The following PCCA variants were observed in gnomAD, a reference collection of about 807,000 sequenced individuals.
PCCA encodes propionyl-CoA carboxylase alpha chain, mitochondrial.
In PCCA, 74 loss-of-function variants were observed where a neutral mutation model predicts 101.3. The observed-to-expected ratio is 0.73, with a 90% CI of 0.61 to 0.89. The LOEUF (loss-of-function observed/expected upper bound fraction) is 0.89. PCCA is among the 40% of genes least tolerant of loss of function. The pLI is 0.00. For missense variants in PCCA, 891 were observed against 907.0 expected, an observed-to-expected ratio of 0.98 and a Z score of 0.23; for synonymous variants, 294 against 313.6, an observed-to-expected ratio of 0.94 and a Z score of 0.66.
intron 21 of PCCA, among the ~76,000 whole-genome samples, chr13:100,472,467 C>T (rs554603324): frequency 2.6e-5 from 4 of 152,198 alleles, no homozygotes; most frequent in South Asian, 2.1e-4. Flanking sequence ...TGAGTGCCGA[C>T]GAGGAGAGGT....
chr13:100,384,173 G>T (rs545871145), intron 19 of PCCA, among the ~76,000 whole-genome samples: 43 of 152,098 alleles, frequency 2.8e-4, no homozygotes, highest in Non-Finnish European at 5.3e-4. Context: ...TTACAGGCAC[G>T]TGCCACCACG....
At chr13:100,496,298 C>T (rs779718404) in intron 21 of PCCA, among the ~76,000 whole-genome samples, 17 of 152,324 alleles carry the variant, frequency 1.1e-4, no homozygotes, top group African/African-American at 3.6e-4. Context: ...GCCCAGGATC[C>T]GCTCAGAGTC....
chr13:100,381,738 C>G (rs1357197671), intron 19 of PCCA, among the ~76,000 whole-genome samples: 1 of 152,200 alleles, frequency 6.6e-6, no homozygotes, highest in Non-Finnish European at 1.5e-5. Context: ...AGGGAGCACA[C>G]GAGCGAAGGA....
chr13:100,256,043 G>A (rs902709523), intron 8 of PCCA, among the ~76,000 whole-genome samples: 3 of 151,962 alleles, frequency 2.0e-5, no homozygotes, highest in African/African-American at 4.8e-5. Context: ...CTTTGGAAAC[G>A]GAGTCTTGCG....
chr13:100,449,236 CTTG>C lies in PCCA; in HGVS notation c.1846-13_1846-11del. 1 of 1,518,654 alleles carries C rather than the reference CTTG, an allele frequency of 6.6e-7. No individual in the cohort carries two copies. Among genetic ancestry groups the C allele is most frequent in the East Asian group, 2.5e-5 (1 of 40,676 alleles). The allele number at this position is 1,518,654 out of a possible 1,614,324, so 94.1% of individuals were successfully genotyped here. A position where few individuals can be genotyped will look rare whatever the true frequency, so the allele number is the denominator to read the frequency against. The stretch of plus-strand genomic sequence containing the variant: ...GCAGATATGAGTTCATTTTATATCT[CTTG>C]TTTGTTTTTTAGTGTCTTTCTCGAG... On this transcript the variant is annotated splice_polypyrimidine_tract_variant and intron_variant, in intron 20 of 23. Coordinates refer to ENST00000376285, the MANE Select transcript of PCCA (RefSeq NM_000282.4).
chr13:100,187,280 A>G (rs1356864682), intron 6 of PCCA, among the ~76,000 whole-genome samples: 1 of 152,232 alleles, frequency 6.6e-6, no homozygotes, highest in African/African-American at 2.4e-5. Flanking sequence ...GAGAAAGAGG[A>G]TAATCACTGT....
At chr13:100,435,130 G>A (rs2079833227) in intron 20 of PCCA, among the ~76,000 whole-genome samples, 1 of 152,182 alleles carries the variant, frequency 6.6e-6, no homozygotes, top group African/African-American at 2.4e-5. Context: ...AAGAAAACGG[G>A]TTTAAATGGC....
chr13:100,156,713 A>T (rs1206920028), intron 5 of PCCA, among the ~76,000 whole-genome samples: 1 of 152,222 alleles, frequency 6.6e-6, no homozygotes, highest in African/African-American at 2.4e-5. Context: ...ATTTTAGTTC[A>T]GTTTGATAGA....
At position 100,123,985 on chromosome 13, in the gene PCCA, A is replaced by C. The variant is rs1159750681; in HGVS notation, c.300+11924A>C. Among the ~76,000 whole-genome samples, 3 of 152,134 alleles carry C rather than the reference A, an allele frequency of 2.0e-5. No homozygotes were observed. In the East Asian group the frequency reaches 5.8e-4, roughly 29 times the overall value. ...TGACTAGGAGTTTCTAAATGGACAC[A>C]TGGGCCCATTTCATTAGTTTGGTGA... On this transcript the variant is annotated intron_variant, in intron 4 of 23. Coordinates refer to ENST00000376285, the MANE Select transcript of PCCA (RefSeq NM_000282.4).
chr13:100,279,763 C>T (rs949607737), intron 12 of PCCA, among the ~76,000 whole-genome samples: 3 of 152,126 alleles, frequency 2.0e-5, no homozygotes, highest in Non-Finnish European at 2.9e-5. Context: ...CATGAGCCAC[C>T]GCGCCTGGCC....
At chr13:100,360,080 C>T (rs1280034852) in intron 18 of PCCA, among the ~76,000 whole-genome samples, 1 of 152,144 alleles carries the variant, frequency 6.6e-6, no homozygotes, top group Non-Finnish European at 1.5e-5. Flanking sequence ...TTCCACATGG[C>T]TGAGGAGGCC....
At chr13:100,285,648 T>C (rs998064691) in intron 12 of PCCA, among the ~76,000 whole-genome samples, 1 of 152,180 alleles carries the variant, frequency 6.6e-6, no homozygotes, top group African/African-American at 2.4e-5. Context: ...CAGGTGCTCC[T>C]CCTTGAAGGA....
At position 100,388,200 on chromosome 13, in the gene PCCA, G is replaced by A. The variant is rs148122237; in HGVS notation, c.1746+19626G>A. Among the ~76,000 whole-genome samples the A allele has an allele frequency of 4.4e-3, 676 of 152,310 alleles. 7 individuals are homozygous for A. Among genetic ancestry groups the A allele is most frequent in the African/African-American group, 0.015 (633 of 41,580 alleles). On this transcript the variant is annotated intron_variant, in intron 19 of 23. Coordinates refer to ENST00000376285, the MANE Select transcript of PCCA (RefSeq NM_000282.4). ...TAAATTAAAGTTGGCTGGGTACAGT[G>A]GCTCACGCCTATAAGCCCAACAGTT...
At chr13:100,281,534 A>G (rs971795160) in intron 12 of PCCA, among the ~76,000 whole-genome samples, 3 of 152,122 alleles carry the variant, frequency 2.0e-5, no homozygotes, top group Non-Finnish European at 4.4e-5. Context: ...TTGCTGGGAT[A>G]ATTTTAGTTT....
chr13:100,129,264 C>T (rs966737280), intron 4 of PCCA, among the ~76,000 whole-genome samples: 4 of 152,124 alleles, frequency 2.6e-5, no homozygotes, highest in African/African-American at 9.7e-5. Context: ...TTAAAATCTT[C>T]TAGTGAATCT....
chr13:100,391,540 A>G (rs1450164737), intron 19 of PCCA, among the ~76,000 whole-genome samples: 1 of 152,144 alleles, frequency 6.6e-6, no homozygotes, highest in East Asian at 1.9e-4. Context: ...ATGTGGTCAG[A>G]TAGTGCAAGG....
intron 17 of PCCA, among the ~76,000 whole-genome samples, chr13:100,332,031 C>T (rs1035058022): frequency 6.7e-5 from 10 of 150,026 alleles, no homozygotes; most frequent in African/African-American, 2.0e-4. Context: ...CTCTGCCTTC[C>T]GGTTTCAAGC....
chr13:100,275,300 G>T (rs1355802047), intron 12 of PCCA, among the ~76,000 whole-genome samples: 1 of 152,118 alleles, frequency 6.6e-6, no homozygotes, highest in Non-Finnish European at 1.5e-5. Context: ...GTGCAGGAGG[G>T]CTGTTTTCTG....
chr13:100,444,433 T>C (rs2080627440), intron 20 of PCCA, among the ~76,000 whole-genome samples: 1 of 1,004 alleles, frequency 1.0e-3, no homozygotes, highest in African/African-American at 6.2e-3. Context: ...TGAACAACCT[T>C]TTTTTTTTTT....
Sources: gnomAD v4.1 joint callset for allele counts (sites outside exome capture counted in the v4.1 genomes callset) on GRCh38, gnomAD v4.1.1 for gene constraint, MANE v1.5 for transcripts, NCBI Gene and HGNC (gene_info 2026-07-23, HGNC 2026-07-21) for gene names.